The following PHACTR1 variants were observed in gnomAD, a reference collection of about 807,000 sequenced individuals.
PHACTR1 encodes RPEL repeat containing 1.
A neutral mutation model predicts 69.2 loss-of-function variants in PHACTR1; 16 were observed. The ratio of observed to expected loss-of-function variants is 0.23; its 90% CI spans 0.16 to 0.35. The LOEUF (loss-of-function observed/expected upper bound fraction) is 0.35, where lower values mean the gene tolerates loss of function less well. Ranked by LOEUF, PHACTR1 falls within the 10% of genes least tolerant of loss-of-function variation. The probability of loss-of-function intolerance (pLI) is 1.00; values close to 1 mark genes in which losing one functional copy is unlikely to be tolerated. For missense variants in PHACTR1, 510 were observed against 734.7 expected, an observed-to-expected ratio of 0.69 and a Z score of 3.54; for synonymous variants, 312 against 284.5, an observed-to-expected ratio of 1.10 and a Z score of -0.97.
chr6:13,069,029 A>T (rs1809099198), intron 5 of PHACTR1, among the ~76,000 whole-genome samples: 1 of 152,206 alleles, frequency 6.6e-6, no homozygotes, highest in Non-Finnish European at 1.5e-5. Context: ...GTCACCCTGT[A>T]CAAAACCACA....
chr6:13,270,435 A>C (rs1402420874), intron 10 of PHACTR1, among the ~76,000 whole-genome samples: 1 of 151,956 alleles, frequency 6.6e-6, no homozygotes, highest in Non-Finnish European at 1.5e-5. Flanking sequence ...GCCTCTAACT[A>C]TGTGTTCTTT....
intron 4 of PHACTR1, among the ~76,000 whole-genome samples, chr6:13,018,296 A>G (rs915950290): frequency 6.6e-5 from 10 of 152,286 alleles, no homozygotes; most frequent in Middle Eastern, 3.4e-3. Context: ...CTGCTAACAG[A>G]ACCTGTCCTT....
intron 6 of PHACTR1, among the ~76,000 whole-genome samples, chr6:13,173,856 C>T (rs964952955): frequency 5.1e-4 from 78 of 152,144 alleles, no homozygotes; most frequent in Admixed American, 2.6e-3. Flanking sequence ...TACAGGCATG[C>T]GCCACAACGC....
At chr6:12,825,678 C>A (rs1776724123) in intron 4 of PHACTR1, among the ~76,000 whole-genome samples, 1 of 152,148 alleles carries the variant, frequency 6.6e-6, no homozygotes, top group Non-Finnish European at 1.5e-5. Flanking sequence ...AGTCATTTGC[C>A]TCTACCACAT....
intron 8 of PHACTR1, among the ~76,000 whole-genome samples, chr6:13,221,499 T>C (rs1275761408): frequency 6.6e-6 from 1 of 152,188 alleles, no homozygotes; most frequent in Admixed American, 6.5e-5. Flanking sequence ...TACTTCTACA[T>C]AGGCAGTGGT....
At chr6:12,914,042 T>C (rs1582452280) in intron 4 of PHACTR1, among the ~76,000 whole-genome samples, 1 of 152,268 alleles carries the variant, frequency 6.6e-6, no homozygotes, top group African/African-American at 2.4e-5. Context: ...AATTTCAGCT[T>C]ACTGCTACCT....
At chr6:13,238,586 T>C (rs1003121101) in intron 10 of PHACTR1, among the ~76,000 whole-genome samples, 2 of 152,182 alleles carry the variant, frequency 1.3e-5, no homozygotes, top group Non-Finnish European at 2.9e-5. Flanking sequence ...AGAGAGAAAA[T>C]TGAAATCCAT....
chr6:12,999,526 G>C (rs773310665), intron 4 of PHACTR1, among the ~76,000 whole-genome samples: 42 of 152,290 alleles, frequency 2.8e-4, no homozygotes, highest in African/African-American at 9.1e-4. Context: ...TTGAATCCAG[G>C]AGGCGGAGGT....
chr6:13,287,103 T>C lies in PHACTR1; in HGVS notation c.*25T>C. On this transcript the variant is annotated 3_prime_UTR_variant, in exon 15 of 15. Transcript: ENST00000332995. The stretch of plus-strand genomic sequence containing the variant: ...ACAGTCGAATTCCTCTTGAGTGCTA[T>C]GCTGTCTTCAAAACATAAATTTATA... 6.3e-7 allele frequency: 1 copy of C among 1,593,422 alleles called. No homozygotes were observed. The highest frequency in any genetic ancestry group is 8.6e-7 in the Non-Finnish European group (1 of 1,166,932).
intron 4 of PHACTR1, among the ~76,000 whole-genome samples, chr6:12,826,374 T>C (rs767727331): frequency 6.6e-6 from 1 of 152,214 alleles, no homozygotes; most frequent in Non-Finnish European, 1.5e-5. Context: ...CTTTTTTAGA[T>C]GCGGTTACAT....
At chr6:12,841,402 T>G (rs1183179497) in intron 4 of PHACTR1, among the ~76,000 whole-genome samples, 3 of 152,208 alleles carry the variant, frequency 2.0e-5, no homozygotes, top group Admixed American at 6.5e-5. Flanking sequence ...TTGAACCTGT[T>G]AAATTCTAGG....
intron 5 of PHACTR1, among the ~76,000 whole-genome samples, chr6:13,074,751 G>C (rs1483309571): frequency 3.3e-5 from 5 of 152,158 alleles, no homozygotes; most frequent in Non-Finnish European, 7.3e-5. Context: ...AATGGGGGCT[G>C]GTTATACAAA....
chr6:12,861,664 T>C (rs1384916442), intron 4 of PHACTR1, among the ~76,000 whole-genome samples: 5 of 152,240 alleles, frequency 3.3e-5, no homozygotes, highest in African/African-American at 1.2e-4. Flanking sequence ...ACATGTAACT[T>C]ACAAAAGTTT....
At chr6:13,022,736 G>A (rs957955425) in intron 4 of PHACTR1, among the ~76,000 whole-genome samples, 7 of 151,978 alleles carry the variant, frequency 4.6e-5, no homozygotes, top group African/African-American at 1.7e-4. Context: ...TATCTCTCCT[G>A]TCTGGGTGCG....
chr6:13,260,291 G>C (rs1775738148), intron 10 of PHACTR1, among the ~76,000 whole-genome samples: 1 of 152,206 alleles, frequency 6.6e-6, no homozygotes. Flanking sequence ...CTGCCTGGTA[G>C]AATCAGAGGA....
intron 4 of PHACTR1, among the ~76,000 whole-genome samples, chr6:12,928,657 C>T (rs952741372): frequency 6.9e-5 from 9 of 130,874 alleles, no homozygotes; most frequent in African/African-American, 2.4e-4. Context: ...GTGGTGAGCC[C>T]TGAAGTTGTC....
chr6:13,242,758 G>T (rs577935040), intron 10 of PHACTR1, among the ~76,000 whole-genome samples: 2 of 152,304 alleles, frequency 1.3e-5, no homozygotes, highest in East Asian at 3.9e-4. Context: ...CTTTGAGCTC[G>T]AGTGAGTTTG....
chr6:12,886,689 C>G (rs778377153), intron 4 of PHACTR1, among the ~76,000 whole-genome samples: 1 of 152,094 alleles, frequency 6.6e-6, no homozygotes, highest in African/African-American at 2.4e-5. Context: ...GAGAACCTTC[C>G]GAAGGAAACC....
At position 13,176,068 on chromosome 6, in the gene PHACTR1, G is replaced by A. The variant is rs1761278277; in HGVS notation, c.497-6451G>A. Among the ~76,000 whole-genome samples, 3 of 152,250 alleles carry A rather than the reference G, an allele frequency of 2.0e-5. No individual in the cohort carries two copies. The South Asian group carries it at 6.2e-4, about 32-fold the overall frequency. On this transcript the variant is annotated intron_variant, in intron 6 of 14. Transcript: ENST00000332995. ...GGGGCAAGAGGGTAGGCAAGCAGAA[G>A]CCCTGGGGAAAACGTCTCCATGTAG...
Sources: allele counts gnomAD v4.1 joint callset (sites outside exome capture counted in the v4.1 genomes callset), GRCh38; gene constraint gnomAD v4.1.1; transcripts MANE v1.5; gene names NCBI Gene and HGNC (gene_info 2026-07-23, HGNC 2026-07-21).